Variants in HACD2 observed in about 807,000 individuals in gnomAD.
The protein encoded by HACD2 is 3-hydroxyacyl-CoA dehydratase 2.
In HACD2, 15 loss-of-function variants were observed where a neutral mutation model predicts 31.0. The ratio of observed to expected loss-of-function variants is 0.48; its 90% CI spans 0.32 to 0.75. HACD2 has a LOEUF of 0.75. Among genes scored for constraint, HACD2 ranks in the 30% least tolerant of loss-of-function variants. HACD2 has a pLI of 0.03. For synonymous variants in HACD2, 115 were observed against 122.2 expected (o/e 0.94, Z 0.39); for missense variants, 283 against 313.0 (o/e 0.90, Z 0.72).
intron 4 of HACD2, among the ~76,000 whole-genome samples, chr3:123,510,814 T>C (rs1002224445): frequency 4.6e-5 from 7 of 152,342 alleles, no homozygotes; most frequent in African/African-American, 1.7e-4. Flanking sequence ...GGTAATTTTA[T>C]GTTTAACTTT....
At position 123,516,135 on chromosome 3, in the gene HACD2, G is replaced by C. The variant is rs201227401; in HGVS notation, c.381+12251C>G. ...ATTTATTAAAAATCCATGATAAAGTGCCTGCTAAACAAAATACTATTCCTA... is the reference window on the plus strand; with the variant it reads ...ATTTATTAAAAATCCATGATAAAGTCCCTGCTAAACAAAATACTATTCCTA... On this transcript the variant is annotated intron_variant, in intron 4 of 6. Coordinates refer to ENST00000383657, the MANE Select transcript of HACD2 (RefSeq NM_198402.5). Among the ~76,000 whole-genome samples, 7 of 152,088 alleles carry C rather than the reference G, an allele frequency of 4.6e-5. No individual in the cohort carries two copies. In the East Asian group the frequency reaches 1.2e-3, roughly 25 times the overall value.
intron 2 of HACD2, among the ~76,000 whole-genome samples, chr3:123,580,719 G>T (rs1324297932): frequency 6.6e-6 from 1 of 151,286 alleles, no homozygotes; most frequent in Non-Finnish European, 1.5e-5. Flanking sequence ...GGAGTTCAAG[G>T]CTGCAGTGAG....
chr3:123,521,246 A>G (rs2056210884), intron 4 of HACD2, among the ~76,000 whole-genome samples: 1 of 152,224 alleles, frequency 6.6e-6, no homozygotes, highest in Admixed American at 6.5e-5. Context: ...ATCATATTTT[A>G]GAAGGCTAAC....
rs142386738 is a variant in HACD2 at position 123,582,010 on chromosome 3, T to C, written c.273+202A>G. ...CCAAAAAAGTCGAATATAAAATACA[T>C]TCAAGGTAACCTAAGTTAAATGAGA... On this transcript the variant is annotated intron_variant, in intron 2 of 6. Coordinates refer to ENST00000383657, the MANE Select transcript of HACD2 (RefSeq NM_198402.5). Among the ~76,000 whole-genome samples the C allele has an allele frequency of 5.2e-3, 798 of 152,236 alleles. 19 individuals carry two copies. Among genetic ancestry groups the C allele is most frequent in the Non-Finnish European group, 3.3e-3 (225 of 68,018 alleles).
chr3:123,525,925 G>C (rs1037932183), intron 4 of HACD2, among the ~76,000 whole-genome samples: 1 of 152,206 alleles, frequency 6.6e-6, no homozygotes, highest in Non-Finnish European at 1.5e-5. Flanking sequence ...GGAAATCGAA[G>C]AACAGAAGTC....
At chr3:123,533,932 G>T (rs975500690) in intron 3 of HACD2, among the ~76,000 whole-genome samples, 2 of 152,168 alleles carry the variant, frequency 1.3e-5, no homozygotes, top group Admixed American at 1.3e-4. Context: ...CTTTGGCAAG[G>T]CAAGGTTATA....
chr3:123,509,250 G>A (rs2056019582), intron 4 of HACD2, among the ~76,000 whole-genome samples: 1 of 151,852 alleles, frequency 6.6e-6, no homozygotes, highest in Non-Finnish European at 1.5e-5. Flanking sequence ...TGGGCATGGT[G>A]GCATGTGCCT....
intron 3 of HACD2, among the ~76,000 whole-genome samples, chr3:123,564,743 A>G (rs1420386252): frequency 6.6e-6 from 1 of 152,214 alleles, no homozygotes; most frequent in Non-Finnish European, 1.5e-5. Flanking sequence ...TGGCCAGGTT[A>G]AAAGATTTTT....
At chr3:123,509,359 C>T (rs1016045453) in intron 4 of HACD2, among the ~76,000 whole-genome samples, 3 of 151,824 alleles carry the variant, frequency 2.0e-5, no homozygotes, top group African/African-American at 7.3e-5. Flanking sequence ...CAGAGCAAGA[C>T]CCTGTTTCTA....
chr3:123,510,741 G>A (rs2056049790), intron 4 of HACD2, among the ~76,000 whole-genome samples: 1 of 152,184 alleles, frequency 6.6e-6, no homozygotes. Context: ...GTATAAGTAA[G>A]TTTAAGTACT....
rs746281551 is a variant in HACD2 at position 123,569,162 on chromosome 3, G to A, written c.274-1382C>T. On this transcript the variant is annotated intron_variant, in intron 2 of 6. Transcript: ENST00000383657. ...ACAATGTTGCTGGTAACTGACAGGA[G>A]AACAAAATAATTACCACATTGCAAA... 2.4e-4 allele frequency among the ~76,000 whole-genome samples: 36 copies of A among 152,198 alleles called. No homozygotes were observed. The South Asian group carries it at 3.5e-3, about 15-fold the overall frequency.
At chr3:123,567,094 G>T (rs1036317115) in intron 3 of HACD2, among the ~76,000 whole-genome samples, 1 of 152,150 alleles carries the variant, frequency 6.6e-6, no homozygotes, top group Non-Finnish European at 1.5e-5. Context: ...AGACATACCT[G>T]GAGTGCACAG....
intron 2 of HACD2, among the ~76,000 whole-genome samples, chr3:123,581,100 G>A (rs1362551912): frequency 2.0e-5 from 3 of 152,138 alleles, no homozygotes; most frequent in Non-Finnish European, 2.9e-5. Flanking sequence ...GATTACAGGC[G>A]TGAGCCACCG....
intron 4 of HACD2, among the ~76,000 whole-genome samples, chr3:123,514,651 G>A (rs1027547794): frequency 1.3e-5 from 2 of 152,060 alleles, no homozygotes; most frequent in African/African-American, 4.8e-5. Flanking sequence ...ATGAACACTG[G>A]CCCCAATCTA....
chr3:123,507,775 T>C (rs1382404346), intron 4 of HACD2, among the ~76,000 whole-genome samples: 2 of 152,156 alleles, frequency 1.3e-5, no homozygotes, highest in Non-Finnish European at 2.9e-5. Context: ...GGATCATATT[T>C]GGGTGATGGA....
intron 2 of HACD2, among the ~76,000 whole-genome samples, chr3:123,569,994 A>T (rs2056836152): frequency 2.5e-5 from 1 of 40,802 alleles, no homozygotes; most frequent in Non-Finnish European, 3.9e-5. Flanking sequence ...ATCTCAAAAA[A>T]AAAAAAAAAA....
At chr3:123,565,738 T>C (rs1264216655) in intron 3 of HACD2, among the ~76,000 whole-genome samples, 1 of 152,200 alleles carries the variant, frequency 6.6e-6, no homozygotes, top group Non-Finnish European at 1.5e-5. Flanking sequence ...GGTTCAGTCA[T>C]GTGGAGAAGG....
intron 6 of HACD2, among the ~76,000 whole-genome samples, chr3:123,498,073 C>T (rs780790487): frequency 6.6e-6 from 1 of 152,196 alleles, no homozygotes; most frequent in Non-Finnish European, 1.5e-5. Context: ...TCAACAGTAA[C>T]AACCTGAACC....
rs71142740 is a variant in HACD2, at chr3:123,534,798, T to TTGTGTGTGTGTGTGTGTGTGTGTG, written c.293-6325_293-6324insCACACACACACACACACACACACA. Among the ~76,000 whole-genome samples the TTGTGTGTGTGTGTGTGTGTGTGTG allele has an allele frequency of 1.3e-3, 192 of 149,198 alleles. 1 individual carries two copies. Among genetic ancestry groups the TTGTGTGTGTGTGTGTGTGTGTGTG allele is most frequent in the South Asian group, 5.6e-3 (26 of 4,680 alleles). ...ATCCTGTCCCTATGTAGACGTAGGC[T>TTGTGTGTGTGTGTGTGTGTGTGTG]TGTGTGTGTGTGTGTCTTAGTTTTT... On this transcript the variant is annotated intron_variant, in intron 3 of 6. Transcript: ENST00000383657.
Sources: allele counts gnomAD v4.1 joint callset (sites outside exome capture counted in the v4.1 genomes callset), GRCh38; gene constraint gnomAD v4.1.1; transcripts MANE v1.5; gene names NCBI Gene and HGNC (gene_info 2026-07-23, HGNC 2026-07-21).